The following TMED2 variants were observed in gnomAD, a reference collection of about 807,000 sequenced individuals.
TMED2 encodes the protein transmembrane p24 trafficking protein 2, also known as transmembrane emp24 domain-containing protein 2.
Under a neutral mutation model 17.5 loss-of-function variants are expected in TMED2, and 3 were observed. That is an observed-to-expected ratio of 0.17 (90% CI 0.08 to 0.44). TMED2 has a LOEUF of 0.44. Ranked by LOEUF, TMED2 falls within the 20% of genes least tolerant of loss-of-function variation. The probability of loss-of-function intolerance (pLI) is 0.99; values close to 1 mark genes in which losing one functional copy is unlikely to be tolerated. For missense variants in TMED2, 149 were observed against 254.8 expected (o/e 0.58, Z 2.83); for synonymous variants, 95 against 91.0 (o/e 1.04, Z -0.25).
chr12:123,584,564 G>GT lies in TMED2; in HGVS notation c.-73_-72insT. On this transcript the variant is annotated 5_prime_UTR_variant, in exon 1 of 4. Coordinates refer to ENST00000262225, the MANE Select transcript of TMED2 (RefSeq NM_006815.4). Reference sequence around the variant, plus strand: ...GGCGGCGGTGGCTGAGAAGGCAGCGGGGCGGCGGCGGCGGCGGCGGCGGCG... The same window carrying GT: ...GGCGGCGGTGGCTGAGAAGGCAGCGGTGGCGGCGGCGGCGGCGGCGGCGGCG... 2.1e-6 allele frequency: 3 copies of GT among 1,399,840 alleles called. No individual in the cohort carries two copies. The highest frequency in any genetic ancestry group is 1.4e-5 in the African/African-American group (1 of 69,830). 86.7% of individuals were successfully genotyped at this position (1,399,840 alleles called of 1,614,324 possible).
intron 2 of TMED2, chr12:123,587,482 C>T (rs1216654169): frequency 3.6e-6 from 2 of 562,276 alleles, no homozygotes; most frequent in Non-Finnish European, 2.5e-6. Context: ...TTCCATGTGT[C>T]TTCAGTTATT....
chr12:123,590,499 T>C, intron 3 of TMED2, 50 bp downstream of exon 3: 1 of 1,436,830 alleles, frequency 7.0e-7, no homozygotes, highest in East Asian at 2.5e-5. Flanking sequence ...GAAGGTTGTT[T>C]TACTCAACAG....
intron 1 of TMED2, chr12:123,586,145 C>T (rs1192342573): frequency 1.3e-5 from 2 of 151,982 alleles, no homozygotes; most frequent in Non-Finnish European, 2.9e-5. Context: ...GATATTAGGC[C>T]AGTTAGAGAC....
At chr12:123,585,142 C>T in intron 1 of TMED2, 1 of 269,346 alleles carries the variant, frequency 3.7e-6, no homozygotes, top group Non-Finnish European at 7.3e-6. Context: ...TCAGTCCGGG[C>T]CCCAAAGGCG....
At chr12:123,593,482 A>T (rs1284720541) in intron 3 of TMED2, among the ~76,000 whole-genome samples, 2 of 152,182 alleles carry the variant, frequency 1.3e-5, no homozygotes, top group Non-Finnish European at 2.9e-5. Context: ...TTTTTTGTAG[A>T]AGTCAGTTTT....
intron 2 of TMED2, chr12:123,587,582 T>G (rs1216556271): frequency 7.9e-7 from 1 of 1,271,326 alleles, no homozygotes. Flanking sequence ...TGGTTCTTTT[T>G]GTGTTAAGAT....
chr12:123,591,867 G>T (rs1248419376), intron 3 of TMED2, among the ~76,000 whole-genome samples: 1 of 152,176 alleles, frequency 6.6e-6, no homozygotes, highest in Non-Finnish European at 1.5e-5. Flanking sequence ...GATTGCTTGG[G>T]AGCAAGCTCT....
rs1886297345 is a variant in TMED2, at chr12:123,584,563, G to A, written c.-74G>A. On this transcript the variant is annotated 5_prime_UTR_variant, in exon 1 of 4. Transcript: ENST00000262225. Reference sequence around the variant, plus strand: ...AGGCGGCGGTGGCTGAGAAGGCAGCGGGGCGGCGGCGGCGGCGGCGGCGGC... The same window carrying A: ...AGGCGGCGGTGGCTGAGAAGGCAGCAGGGCGGCGGCGGCGGCGGCGGCGGC... The A allele has an allele frequency of 3.5e-6, 5 of 1,411,576 alleles. No homozygotes were observed. Among genetic ancestry groups the A allele is most frequent in the South Asian group, 2.5e-5 (2 of 81,378 alleles). 87.4% of individuals were successfully genotyped at this position (1,411,576 alleles called of 1,614,324 possible).
At position 123,598,190 on chromosome 12, in the gene TMED2, C is replaced by T. The variant is rs1953445468; in HGVS notation, c.*1461C>T. The T allele has an allele frequency of 6.6e-6, 1 of 152,258 alleles. No homozygotes were observed. The highest frequency in any genetic ancestry group is 1.5e-5 in the Non-Finnish European group (1 of 68,018). 9.4% of individuals were successfully genotyped at this position (152,258 alleles called of 1,614,324 possible). On this transcript the variant is annotated 3_prime_UTR_variant, in exon 4 of 4. Coordinates refer to ENST00000262225, the MANE Select transcript of TMED2 (RefSeq NM_006815.4). The stretch of plus-strand genomic sequence containing the variant: ...CAGCTAATCCACATTTTTTACACAC[C>T]AACTTTCTGTTCTTATTTGACATGA...
intron 3 of TMED2, among the ~76,000 whole-genome samples, chr12:123,592,211 C>T (rs891399986): frequency 1.4e-4 from 21 of 152,182 alleles, no homozygotes; most frequent in African/African-American, 4.8e-4. Flanking sequence ...TGTCTCCTTG[C>T]CTCCACTCTT....
chr12:123,595,180 G>A (rs930623403), intron 3 of TMED2, among the ~76,000 whole-genome samples: 1 of 152,180 alleles, frequency 6.6e-6, no homozygotes, highest in Admixed American at 6.6e-5. Context: ...AGTGAGCTGA[G>A]ATTGCGCCAC....
intron 1 of TMED2, chr12:123,585,556 T>C (rs1046471365): frequency 1.3e-5 from 2 of 152,240 alleles, no homozygotes; most frequent in African/African-American, 4.8e-5. Context: ...ATTCACCTGC[T>C]AGCATGATTA....
chr12:123,584,892 G>A, intron 1 of TMED2, 76 bp downstream of exon 1: 1 of 1,555,464 alleles, frequency 6.4e-7, no homozygotes, highest in Non-Finnish European at 8.7e-7. Context: ...GACCGGCGCG[G>A]GGCCTGTGTG....
intron 3 of TMED2, among the ~76,000 whole-genome samples, chr12:123,593,531 A>G (rs1163838953): frequency 6.6e-6 from 1 of 152,266 alleles, no homozygotes; most frequent in Non-Finnish European, 1.5e-5. Context: ...GGACGTTTCA[A>G]TGGTGAGGGA....
At chr12:123,591,014 T>A (rs1324637884) in intron 3 of TMED2, among the ~76,000 whole-genome samples, 1 of 151,954 alleles carries the variant, frequency 6.6e-6, no homozygotes, top group African/African-American at 2.4e-5. Flanking sequence ...TTTGGGTTTT[T>A]AAAAATGTAT....
intron 2 of TMED2, among the ~76,000 whole-genome samples, chr12:123,588,784 T>C (rs1953369875): frequency 6.6e-6 from 1 of 152,168 alleles, no homozygotes; most frequent in Non-Finnish European, 1.5e-5. Flanking sequence ...GTGCATCAGA[T>C]AGCGCCCCAC....
At chr12:123,593,253 T>C (rs1953406168) in intron 3 of TMED2, among the ~76,000 whole-genome samples, 1 of 146,792 alleles carries the variant, frequency 6.8e-6, no homozygotes, top group Admixed American at 6.8e-5. Flanking sequence ...GACTCTCTGG[T>C]TTTTGTTGTT....
chr12:123,586,950 C>T lies in TMED2; in HGVS notation c.373+11C>T. The T allele has an allele frequency of 6.4e-7, 1 of 1,573,454 alleles. No homozygotes were observed. Among genetic ancestry groups the T allele is most frequent in the Admixed American group, 1.8e-5 (1 of 54,518 alleles). On this transcript the variant is annotated intron_variant, in intron 2 of 3. Coordinates refer to ENST00000262225, the MANE Select transcript of TMED2 (RefSeq NM_006815.4). ...ATATGGAAACAGAAGGTGAGATGAA[C>T]ATTCAGAAGATTTACATCACATTCC...
At chr12:123,586,564 G>T in intron 1 of TMED2, 183 bp from the exon 2 acceptor site, 1 of 408,826 alleles carries the variant, frequency 2.4e-6, no homozygotes, top group Non-Finnish European at 4.3e-6. Context: ...TGGCCAGGCT[G>T]GTCTTGAACT....
Sources: allele counts gnomAD v4.1 joint callset (sites outside exome capture counted in the v4.1 genomes callset), GRCh38; gene constraint gnomAD v4.1.1; transcripts MANE v1.5; gene names NCBI Gene and HGNC (gene_info 2026-07-23, HGNC 2026-07-21).